Variants in CHI3L1 observed in about 807,000 individuals in gnomAD.
The protein encoded by CHI3L1 is chitinase 3 like 1, also known as chitinase-3-like protein 1.
CHI3L1 carries 30 observed loss-of-function variants against 40.7 expected under a neutral mutation model. The observed-to-expected ratio is 0.74, with a 90% CI of 0.55 to 1.00. The LOEUF is 1.00. Ranked by LOEUF, CHI3L1 falls within the 50% of genes least tolerant of loss-of-function variation. The pLI, the probability that CHI3L1 is intolerant of heterozygous loss-of-function variation, is 0.00. For missense variants in CHI3L1, 493 were observed against 492.2 expected (o/e 1.00, Z -0.01); for synonymous variants, 210 against 192.1 (o/e 1.09, Z -0.77).
Position 203,184,556 on chromosome 1 carries a change from C to T in CHI3L1, c.314+20G>A. 1 of 1,607,372 alleles carries T rather than the reference C, an allele frequency of 6.2e-7. No individual in the cohort carries two copies. Among genetic ancestry groups the T allele is most frequent in the Non-Finnish European group, 8.5e-7 (1 of 1,173,908 alleles). The stretch of plus-strand genomic sequence containing the variant: ...ATGCCATCATCCTCTGCCGTCCTGC[C>T]CCTGGGGAGAGGCTCCTACCTTTGA... On this transcript the variant is annotated intron_variant, in intron 4 of 9. Transcript: ENST00000255409.
At position 203,186,610 on chromosome 1, in the gene CHI3L1, G is replaced by T. The variant is rs372997557; in HGVS notation, c.14C>A (p.Ala5Glu). The change falls in exon 1 of 10, where the codon GCG becomes GAG. Residue 5 changes from alanine (A) to glutamate (E), a missense_variant. Coordinates refer to ENST00000255409, the MANE Select transcript of CHI3L1 (RefSeq NM_001276.4). MGVK[A>E]SQTGFVVLVL... The stretch of plus-strand genomic sequence containing the variant: ...GCTAGCCCAGATACCTGTTTGAGAC[G>T]CCTTCACACCCATTCTGGCTGCAGC... 76 of 1,613,988 alleles carry T rather than the reference G, an allele frequency of 4.7e-5. 2 individuals carry two copies. In the South Asian group the frequency reaches 7.7e-4, roughly 16 times the overall value.
chr1:203,179,735 T>C (rs958993622), intron 9 of CHI3L1, 26 bp downstream of exon 9: 9 of 1,614,078 alleles, frequency 5.6e-6, no homozygotes, highest in Admixed American at 5.0e-5. Flanking sequence ...CTCTTTGTCC[T>C]GAGGTGTGGC....
chr1:203,183,370 G>A (rs1036762789), intron 5 of CHI3L1, among the ~76,000 whole-genome samples: 6 of 152,124 alleles, frequency 3.9e-5, no homozygotes, highest in Admixed American at 3.9e-4. Flanking sequence ...GGTGGGCAAT[G>A]GGCAATGCAC....
At chr1:203,181,354 GGCTCATAC>G (rs1655933640) in intron 6 of CHI3L1, 69 bp from the exon 7 acceptor site, 1 of 1,551,170 alleles carries the variant, frequency 6.4e-7, no homozygotes, top group Non-Finnish European at 8.8e-7. Flanking sequence ...CGGGCGTGGT[GGCTCATAC>G]CTGGAATCCC....
At position 203,179,552 on chromosome 1, in the gene CHI3L1, C is replaced by A; in HGVS notation, c.1045G>T (p.Ala349Ser). 1.2e-6 allele frequency: 2 copies of A among 1,608,302 alleles called. No homozygotes were observed. Among genetic ancestry groups the A allele is most frequent in the Non-Finnish European group, 1.7e-6 (2 of 1,175,360 alleles). Residue 349 changes from alanine (A) to serine (S), a missense_variant, in exon 10 of 10, where the codon GCC becomes TCC. Ala to Ser is a moderately conservative substitution (Grantham distance 99, BLOSUM62 1). Transcript: ENST00000255409. Reference protein sequence around the residue: ...QYLKDRQLAGAMVWALDLDDF... With the variant: ...QYLKDRQLAGSMVWALDLDDF... ...TCCAGGTCCAGGGCCCATACCATGG[C>A]GCCCGCCAGCTGCCTGTCCTTCAGG...
At chr1:203,181,064 C>T in intron 7 of CHI3L1, 98 bp downstream of exon 7, 1 of 1,448,926 alleles carries the variant, frequency 6.9e-7, no homozygotes, top group Non-Finnish European at 9.3e-7. Flanking sequence ...CCCCCTCTTG[C>T]AGGACTGTAC....
At chr1:203,180,690 T>G in intron 7 of CHI3L1, 38 bp from the exon 8 acceptor site, 1 of 1,514,168 alleles carries the variant, frequency 6.6e-7, no homozygotes, top group Non-Finnish European at 9.0e-7. Context: ...GAGCAGTTAG[T>G]GCACAGGTGC....
rs1219225210 is a variant in CHI3L1 at position 203,179,576 on chromosome 1, G to A, written c.1021C>T (p.Leu341=). 2 of 1,610,572 alleles carry A rather than the reference G, an allele frequency of 1.2e-6. No homozygotes were observed. The highest frequency in any genetic ancestry group is 1.6e-4 in the Middle Eastern group (1 of 6,064). ...GCGCCCGCCAGCTGCCTGTCCTTCA[G>A]GTACTGCACCTGGCAGGGGAGGCCC... ...QESVKSKVQY[L]KDRQLAGAMV... The change falls in exon 10 of 10, where the codon CTG becomes TTG. Residue 341 remains leucine, a synonymous_variant. Coordinates refer to ENST00000255409, the MANE Select transcript of CHI3L1 (RefSeq NM_001276.4).
At position 203,184,593 on chromosome 1, in the gene CHI3L1, C is replaced by T. The variant is rs868360435; in HGVS notation, c.297G>A (p.Trp99Ter). Residue 99 changes from tryptophan to a stop codon, truncating the protein, a stop_gained, in exon 4 of 10, where the codon TGG becomes TGA. Transcript: ENST00000255409. LOFTEE classifies it high-confidence loss of function. Reference sequence around the variant, plus strand: ...GCTCCTACCTTTGAGACCCAAAGTTCCATCCTCCGACAGACAAGAGAGTCT... The same window carrying T: ...GCTCCTACCTTTGAGACCCAAAGTTTCATCCTCCGACAGACAAGAGAGTCT... ...NLKTLLSVGG[W>*]NFGSQRFSKI... 1 of 1,614,042 alleles carries T rather than the reference C, an allele frequency of 6.2e-7. No individual in the cohort carries two copies.
At chr1:203,183,826 A>T in intron 4 of CHI3L1, 35 bp from the exon 5 acceptor site, 1 of 1,612,796 alleles carries the variant, frequency 6.2e-7, no homozygotes, top group Non-Finnish European at 8.5e-7. Flanking sequence ...CATGCTCAGC[A>T]CTGATATGCT....
At position 203,179,369 on chromosome 1, in the gene CHI3L1, G is replaced by A. The variant is rs1558147184; in HGVS notation, c.*76C>T. Reference sequence around the variant, plus strand: ...CAGCCTGGGACTCAGCAGGGCAGGTGATCAGGCTCCCGGCCAGCTGGAGCC... The same window carrying A: ...CAGCCTGGGACTCAGCAGGGCAGGTAATCAGGCTCCCGGCCAGCTGGAGCC... On this transcript the variant is annotated 3_prime_UTR_variant, in exon 10 of 10. Transcript: ENST00000255409. 7.4e-7 allele frequency: 1 copy of A among 1,348,160 alleles called. No individual in the cohort carries two copies. The highest frequency in any genetic ancestry group is 2.3e-5 in the East Asian group (1 of 43,062). 83.5% of individuals were successfully genotyped at this position (1,348,160 alleles called of 1,614,324 possible).
At chr1:203,183,929 T>C (rs1656000693) in intron 4 of CHI3L1, 138 bp from the exon 5 acceptor site, 4 of 957,580 alleles carry the variant, frequency 4.2e-6, no homozygotes, top group Non-Finnish European at 6.4e-6. Context: ...GGGACAGGGG[T>C]CGCCTCCAGG....
At chr1:203,180,911 C>T (rs1655921967) in intron 7 of CHI3L1, among the ~76,000 whole-genome samples, 1 of 152,218 alleles carries the variant, frequency 6.6e-6, no homozygotes. Flanking sequence ...GGCACAATGA[C>T]TCCTACCTCC....
chr1:203,180,416 C>T, intron 8 of CHI3L1, 54 bp downstream of exon 8: 1 of 1,458,792 alleles, frequency 6.9e-7, no homozygotes, highest in Non-Finnish European at 9.2e-7. Flanking sequence ...GAATCACCTT[C>T]CCCAGGGCTG....
intron 7 of CHI3L1, 107 bp downstream of exon 7, chr1:203,181,055 C>A (rs1655926136): frequency 7.2e-7 from 1 of 1,393,658 alleles, no homozygotes; most frequent in Non-Finnish European, 9.7e-7. Context: ...CCTCATGACC[C>A]CCCTCTTGCA....
In CHI3L1 at chr1:203,180,643, CAGCAT is replaced by C; in HGVS notation, c.716_720del (p.Tyr239CysfsTer13). 2 of 1,603,744 alleles carry C rather than the reference CAGCAT, an allele frequency of 1.2e-6. No homozygotes were observed. Among genetic ancestry groups the C allele is most frequent in the Non-Finnish European group, 1.7e-6 (2 of 1,174,080 alleles). On this transcript the variant is annotated frameshift_variant, in exon 8 of 10. Transcript: ENST00000255409. LOFTEE classifies it high-confidence loss of function. ...GCCCCCAGCCTCAACATGTACCCCA[CAGCAT>C]AGTCCTGGGTGGGGTAGGGTGGGAA...
chr1:203,185,298 C>T lies in CHI3L1; in HGVS notation c.143G>A (p.Arg48His), dbSNP rs540860117. The part of the protein sequence containing the change: ...DGSCFPDALD[R>H]FLCTHIIYSF... ...GTAGATGATGTGGGTACAGAGGAAG[C>T]GGTCAAGGGCATCTGGGAAGCAGCT... The change falls in exon 3 of 10, where the codon CGC becomes CAC. Residue 48 changes from arginine to histidine, a missense_variant. Transcript: ENST00000255409. 1.2e-5 allele frequency: 20 copies of T among 1,614,146 alleles called. No homozygotes were observed. The East Asian group carries it at 1.6e-4, about 13-fold the overall frequency.
Position 203,182,801 on chromosome 1 carries a change from G to A in CHI3L1, c.517C>T (p.Leu173=). 1.9e-6 allele frequency: 3 copies of A among 1,614,174 alleles called. No homozygotes were observed. Among genetic ancestry groups the A allele is most frequent in the African/African-American group, 2.7e-5 (2 of 75,048 alleles). The change falls in exon 6 of 10, where the codon CTG becomes TTG. Residue 173 remains leucine, a synonymous_variant. Coordinates refer to ENST00000255409, the MANE Select transcript of CHI3L1 (RefSeq NM_001276.4). The part of the protein sequence containing the change: ...KEAQPGKKQL[L]LSAALSAGKV... The stretch of plus-strand genomic sequence containing the variant: ...CCCGCAGACAGTGCTGCGCTGAGCA[G>A]GAGCTGCTTTTTCCCTGGCTGGGCT...
At chr1:203,186,021 G>A (rs1001997339) in intron 2 of CHI3L1, among the ~76,000 whole-genome samples, 2 of 152,182 alleles carry the variant, frequency 1.3e-5, no homozygotes, top group Non-Finnish European at 2.9e-5. Context: ...ACTCATCCAA[G>A]CAGCTACTGG....
Sources: allele counts gnomAD v4.1 joint callset (sites outside exome capture counted in the v4.1 genomes callset), GRCh38; gene constraint gnomAD v4.1.1; transcripts MANE v1.5; gene names NCBI Gene and HGNC (gene_info 2026-07-23, HGNC 2026-07-21).